The following ERICH6 variants were observed in gnomAD, a reference collection of about 807,000 sequenced individuals.
ERICH6 encodes the protein glutamate-rich protein 6.
In ERICH6, 71 loss-of-function variants were observed where a neutral mutation model predicts 71.0. The observed-to-expected ratio is 1.00, with a 90% CI of 0.83 to 1.22. The LOEUF (loss-of-function observed/expected upper bound fraction) is 1.22, where lower values mean the gene tolerates loss of function less well. ERICH6 is among the 50% of genes most tolerant of loss of function. ERICH6 has a pLI of 0.00. For synonymous variants in ERICH6, 262 were observed against 278.4 expected (o/e 0.94, Z 0.59); for missense variants, 808 against 797.2 (o/e 1.01, Z -0.16).
At chr3:150,660,235 C>A in intron 13 of ERICH6, 80 bp from the exon 14 acceptor site, 1 of 1,507,942 alleles carries the variant, frequency 6.6e-7, no homozygotes, top group Non-Finnish European at 8.9e-7. Flanking sequence ...AGTCATGGCA[C>A]TTATGTGGGG....
chr3:150,665,005 G>T (rs1727355523), intron 13 of ERICH6, among the ~76,000 whole-genome samples: 1 of 151,996 alleles, frequency 6.6e-6, no homozygotes, highest in Non-Finnish European at 1.5e-5. Flanking sequence ...CAGGGGTGGG[G>T]GAAGGAAGTA....
intron 13 of ERICH6, among the ~76,000 whole-genome samples, chr3:150,661,482 C>T (rs1727222552): frequency 6.6e-6 from 1 of 152,092 alleles, no homozygotes; most frequent in Admixed American, 6.5e-5. Flanking sequence ...TATTTGACGC[C>T]ACTAAAGAGA....
Position 150,674,795 on chromosome 3 carries a change from G to GC in ERICH6, c.1258-755dup, listed in dbSNP as rs1012570779. On this transcript the variant is annotated intron_variant, in intron 10 of 13. Coordinates refer to ENST00000295910, the MANE Select transcript of ERICH6 (RefSeq NM_152394.5). ...TGCTCATATTTTCTATAGCATTACT[G>GC]CCCCCCAACCTTTTTTTTTTTTCTT... Among the ~76,000 whole-genome samples, 202 of 151,734 alleles carry GC rather than the reference G, an allele frequency of 1.3e-3. 1 individual carries two copies. Among genetic ancestry groups the GC allele is most frequent in the African/African-American group, 4.8e-3 (200 of 41,362 alleles).
chr3:150,688,669 C>T (rs1403654698), intron 3 of ERICH6, among the ~76,000 whole-genome samples: 2 of 152,236 alleles, frequency 1.3e-5, no homozygotes, highest in Non-Finnish European at 2.9e-5. Flanking sequence ...ATCTGATTGC[C>T]TCCTTTGGAG....
intron 11 of ERICH6, among the ~76,000 whole-genome samples, chr3:150,670,073 T>A (rs1052169997): frequency 2.6e-4 from 39 of 152,030 alleles, no homozygotes; most frequent in East Asian, 5.8e-4. Flanking sequence ...TTTTTTAATT[T>A]AAAAAAACCC....
chr3:150,681,056 T>G, intron 7 of ERICH6, 126 bp from the exon 8 acceptor site: 1 of 959,408 alleles, frequency 1.0e-6, no homozygotes, highest in Non-Finnish European at 1.5e-6. Flanking sequence ...ATAGCTTTAT[T>G]AAGATATAAT....
chr3:150,678,614 T>G (rs1156377082), intron 9 of ERICH6, 60 bp from the exon 10 acceptor site: 2 of 1,392,146 alleles, frequency 1.4e-6, no homozygotes, highest in African/African-American at 1.5e-5. Context: ...AAAGCCTCTT[T>G]TCTAAAATGA....
chr3:150,684,403 C>T (rs1427784872), intron 6 of ERICH6, among the ~76,000 whole-genome samples: 2 of 152,164 alleles, frequency 1.3e-5, no homozygotes, highest in Non-Finnish European at 2.9e-5. Flanking sequence ...TAGCAATGAA[C>T]ACCACCTCAG....
At chr3:150,700,945 T>G (rs1712847974) in intron 2 of ERICH6, among the ~76,000 whole-genome samples, 1 of 152,200 alleles carries the variant, frequency 6.6e-6, no homozygotes, top group Admixed American at 6.5e-5. Context: ...GTCCATAGAT[T>G]CAATCATATT....
At chr3:150,691,073 T>G (rs1712412847) in intron 3 of ERICH6, among the ~76,000 whole-genome samples, 1 of 152,220 alleles carries the variant, frequency 6.6e-6, no homozygotes, top group Non-Finnish European at 1.5e-5. Flanking sequence ...GCTTGGAGGT[T>G]AAAAGCAAGA....
chr3:150,702,826 T>TTC (rs1712950248), intron 1 of ERICH6, among the ~76,000 whole-genome samples: 1 of 150,988 alleles, frequency 6.6e-6, no homozygotes, highest in Non-Finnish European at 1.5e-5. Context: ...GAGTTGTTTT[T>TTC]TTTTTTTGCA....
Position 150,680,472 on chromosome 3 carries a change from T to C in ERICH6, c.1107A>G (p.Glu369=). The change falls in exon 9 of 14, where the codon GAA becomes GAG. Residue 369 remains glutamate (E), a synonymous_variant. Transcript: ENST00000295910. ...IISREQTHFS[E]DDSKRLKTIS... is the part of the protein sequence containing the mutation. ...GATCAGCACTAATGAACTCACCATCTTCAGAGAAATGAGTCTGTTCCCTTG... is the reference window on the plus strand; with the variant it reads ...GATCAGCACTAATGAACTCACCATCCTCAGAGAAATGAGTCTGTTCCCTTG... 1.9e-6 allele frequency: 3 copies of C among 1,614,158 alleles called. No individual in the cohort carries two copies. Among genetic ancestry groups the C allele is most frequent in the Non-Finnish European group, 2.5e-6 (3 of 1,179,988 alleles).
chr3:150,690,390 A>G (rs959864372), intron 3 of ERICH6, among the ~76,000 whole-genome samples: 3 of 149,882 alleles, frequency 2.0e-5, no homozygotes, highest in Admixed American at 1.3e-4. Flanking sequence ...CAAGAATCTG[A>G]ATGTCTAAGA....
At chr3:150,677,649 A>T (rs1711714215) in intron 10 of ERICH6, among the ~76,000 whole-genome samples, 1 of 151,998 alleles carries the variant, frequency 6.6e-6, no homozygotes, top group Admixed American at 6.6e-5. Context: ...GGTGCATGTC[A>T]ACATGCATGG....
chr3:150,680,679 A>T, intron 8 of ERICH6, 94 bp downstream of exon 8: 1 of 1,558,588 alleles, frequency 6.4e-7, no homozygotes. Context: ...TACATCTTCA[A>T]AGTTATATAT....
chr3:150,685,952 T>A lies in ERICH6; in HGVS notation c.666+14A>T. 1 of 1,604,264 alleles carries A rather than the reference T, an allele frequency of 6.2e-7. No homozygotes were observed. The highest frequency in any genetic ancestry group is 2.2e-5 in the East Asian group (1 of 44,798). On this transcript the variant is annotated intron_variant, in intron 5 of 13. Transcript: ENST00000295910. Reference sequence around the variant, plus strand: ...GAGAACAGTGTACTAGTTAGTATGATAAACATTTCTTACCTCCAGCTCATA... The same window carrying A: ...GAGAACAGTGTACTAGTTAGTATGAAAAACATTTCTTACCTCCAGCTCATA...
Position 150,682,303 on chromosome 3 carries a change from TC to T in ERICH6, c.796del (p.Glu266ArgfsTer13). On this transcript the variant is annotated frameshift_variant, in exon 7 of 14. Transcript: ENST00000295910. LOFTEE classifies it high-confidence loss of function. ...ACAAAATTCACATTTGGGTGATGTC[TC>T]CTCCTCTTCATCCTTCAGAGAGAGA... ...LGINFKDEEE[E>X]TSPKCEFCGS... 3.1e-6 allele frequency: 5 copies of T among 1,612,876 alleles called. No individual in the cohort carries two copies. Among genetic ancestry groups the T allele is most frequent in the Non-Finnish European group, 4.2e-6 (5 of 1,179,828 alleles).
At chr3:150,666,349 G>A (rs1203533635) in intron 13 of ERICH6, among the ~76,000 whole-genome samples, 1 of 152,210 alleles carries the variant, frequency 6.6e-6, no homozygotes, top group Admixed American at 6.5e-5. Flanking sequence ...GGATGTGGTT[G>A]AGGCTGACTG....
intron 10 of ERICH6, 50 bp downstream of exon 10, chr3:150,678,359 A>G: frequency 5.3e-6 from 8 of 1,515,604 alleles, no homozygotes; most frequent in Non-Finnish European, 7.0e-6. Flanking sequence ...AATTTTAGGT[A>G]AAACTGGTTT....
Sources: allele counts gnomAD v4.1 joint callset (sites outside exome capture counted in the v4.1 genomes callset), GRCh38; gene constraint gnomAD v4.1.1; transcripts MANE v1.5; gene names NCBI Gene and HGNC (gene_info 2026-07-23, HGNC 2026-07-21).